Variants in ABCA9 observed in about 807,000 individuals in gnomAD.
ABCA9 encodes ATP binding cassette subfamily A member 9.
ABCA9 carries 183 observed loss-of-function variants against 205.3 expected under a neutral mutation model. The ratio of observed to expected loss-of-function variants is 0.89; its 90% confidence interval spans 0.79 to 1.01. The LOEUF (loss-of-function observed/expected upper bound fraction) is 1.01, where lower values mean the gene tolerates loss of function less well. Among genes scored for constraint, ABCA9 ranks in the 50% least tolerant of loss-of-function variants. The probability of loss-of-function intolerance (pLI) is 0.00; values close to 1 mark genes in which losing one functional copy is unlikely to be tolerated. For missense variants in ABCA9, 1,805 were observed against 1,912.4 expected (o/e 0.94, Z 1.05); for synonymous variants, 651 against 683.3 (o/e 0.95, Z 0.74).
rs569940748 is a variant in ABCA9 at position 68,991,208 on chromosome 17, T to C, written c.3717-251A>G. 9.2e-5 allele frequency among the ~76,000 whole-genome samples: 14 copies of C among 152,304 alleles called. No individual in the cohort carries two copies. In the East Asian group the frequency reaches 2.1e-3, roughly 23 times the overall value. On this transcript the variant is annotated intron_variant, in intron 28 of 38. Coordinates refer to ENST00000340001, the MANE Select transcript of ABCA9 (RefSeq NM_080283.4). ...CTCCCTGTTGATGGTGACAGTTTTC[T>C]TTCAAAGAAGAAAGTGGTATACACC...
At chr17:69,018,132 G>A in intron 20 of ABCA9, 2 of 366,900 alleles carry the variant, frequency 5.5e-6, no homozygotes, top group Non-Finnish European at 9.6e-6. Context: ...TTTACAAAAT[G>A]ATACACAAAG....
chr17:69,074,348 C>T, the ABCA9 span, among the ~76,000 whole-genome samples: 4 of 152,270 alleles, frequency 2.6e-5, no homozygotes, highest in Non-Finnish European at 5.9e-5. Context: ...TACAAATGAT[C>T]TAGTCACCCA....
intron 3 of ABCA9, among the ~76,000 whole-genome samples, chr17:69,046,975 T>A (rs1267976464): frequency 6.7e-6 from 1 of 149,000 alleles, no homozygotes; most frequent in African/African-American, 2.5e-5. Context: ...TTGGTTTGTG[T>A]TTTTGAGATG....
chr17:68,985,178 A>C, intron 32 of ABCA9, 50 bp from the exon 33 acceptor site: 1 of 1,580,050 alleles, frequency 6.3e-7, no homozygotes, highest in Non-Finnish European at 8.6e-7. Flanking sequence ...GCGAATGTAC[A>C]TGGGAGAATG....
intron 21 of ABCA9, among the ~76,000 whole-genome samples, chr17:69,017,447 T>TA (rs1228857699): frequency 2.6e-5 from 4 of 152,256 alleles, no homozygotes; most frequent in African/African-American, 7.2e-5. Context: ...GCATTCAACT[T>TA]AATCAGGAAT....
chr17:69,012,128 T>TGTTTCATCTGTA, intron 22 of ABCA9, 45 bp from the exon 23 acceptor site: 1 of 1,322,380 alleles, frequency 7.6e-7, no homozygotes, highest in Non-Finnish European at 1.1e-6. Context: ...ATTGGGCATC[T>TGTTTCATCTGTA]GTTTCATCTG....
In ABCA9 at chr17:68,989,038, T is replaced by C. The variant is rs376800311; in HGVS notation, c.4036A>G (p.Thr1346Ala). ...TACGTTTTACTGACCTGTCCTGCAG[T>C]TGGTTTTGTGTCTCCAGTTATCATC... ...IKMITGDTKP[T>A]AGQVILKGSG... is the part of the protein sequence containing the mutation. Residue 1346 changes from threonine (T) to alanine (A), a missense_variant, in exon 31 of 39, where the codon ACT becomes GCT. Coordinates refer to ENST00000340001, the MANE Select transcript of ABCA9 (RefSeq NM_080283.4). 6.2e-6 allele frequency: 10 copies of C among 1,608,198 alleles called. No individual in the cohort carries two copies. In the Admixed American group the frequency reaches 1.0e-4, roughly 16 times the overall value.
intron 1 of ABCA9, among the ~76,000 whole-genome samples, chr17:69,057,092 T>A (rs2072091338): frequency 6.6e-6 from 1 of 152,180 alleles, no homozygotes; most frequent in Non-Finnish European, 1.5e-5. Context: ...ATGGCCCGCT[T>A]TTACTGTTGA....
chr17:68,992,824 AAG>A (rs1491258901), intron 27 of ABCA9, 190 bp downstream of exon 27: 16,119 of 324,552 alleles, frequency 0.05, 4 homozygotes, highest in South Asian at 0.076. Context: ...AAAAAAAAAA[AAG>A]GGGGGGGGTC....
chr17:69,056,295 G>A (rs1277862724), intron 1 of ABCA9, among the ~76,000 whole-genome samples: 6 of 151,830 alleles, frequency 4.0e-5, no homozygotes. Flanking sequence ...AAGAGGGAGA[G>A]AACACAAGTT....
intron 2 of ABCA9, 150 bp downstream of exon 2, chr17:69,050,881 A>G: frequency 1.8e-6 from 1 of 566,422 alleles, no homozygotes; most frequent in South Asian, 6.3e-5. Flanking sequence ...CTGAACAAAT[A>G]GCAAAGCCCA....
chr17:68,983,553 T>C (rs760348954), intron 36 of ABCA9, among the ~76,000 whole-genome samples, 156 bp downstream of exon 36: 16 of 152,192 alleles, frequency 1.1e-4, no homozygotes, highest in Non-Finnish European at 1.8e-4. Flanking sequence ...TATTTCCCTC[T>C]TGTGTGAGCC....
At chr17:69,046,680 A>G (rs2071713496) in intron 3 of ABCA9, among the ~76,000 whole-genome samples, 1 of 151,536 alleles carries the variant, frequency 6.6e-6, no homozygotes, top group East Asian at 1.9e-4. Context: ...CATAATAAGA[A>G]CTCATCACAA....
Position 69,043,738 on chromosome 17 carries a change from A to C in ABCA9, c.574-23T>G, listed in dbSNP as rs1189231345. 10 of 1,533,724 alleles carry C rather than the reference A, an allele frequency of 6.5e-6. No homozygotes were observed. In the South Asian group the frequency reaches 1.1e-4, roughly 17 times the overall value. On this transcript the variant is annotated intron_variant, in intron 5 of 38. Transcript: ENST00000340001. ...GATCTGAAGAAAGATATCAATGAACAAATTGTTATCATCAATCTAATTCCA... is the reference window on the plus strand; with the variant it reads ...GATCTGAAGAAAGATATCAATGAACCAATTGTTATCATCAATCTAATTCCA...
chr17:69,044,485 C>T lies in ABCA9; in HGVS notation c.573+12G>A. ...ATGCAATGTGGTTAGATTCCTTTAA[C>T]TTTATACTCACTTCTATGATAGCAG... On this transcript the variant is annotated intron_variant, in intron 5 of 38. Transcript: ENST00000340001. 2.5e-6 allele frequency: 4 copies of T among 1,609,362 alleles called. No individual in the cohort carries two copies. Among genetic ancestry groups the T allele is most frequent in the Non-Finnish European group, 3.4e-6 (4 of 1,176,752 alleles).
At chr17:68,999,649 G>T (rs1167645781) in intron 25 of ABCA9, among the ~76,000 whole-genome samples, 1 of 151,772 alleles carries the variant, frequency 6.6e-6, no homozygotes, top group African/African-American at 2.4e-5. Flanking sequence ...CGCAGTAATG[G>T]GATGGCTGGG....
chr17:68,996,659 T>C (rs1357424354), intron 25 of ABCA9, among the ~76,000 whole-genome samples: 1 of 152,208 alleles, frequency 6.6e-6, no homozygotes. Context: ...CCACACATCA[T>C]TGACACAGGA....
intron 1 of ABCA9, among the ~76,000 whole-genome samples, chr17:69,059,680 T>TC (rs1598423013): frequency 1.3e-5 from 2 of 150,916 alleles, no homozygotes; most frequent in African/African-American, 4.9e-5. Context: ...TTTTTTTTTT[T>TC]TTTACAGCAG....
At chr17:69,057,451 T>C (rs909549729) in intron 1 of ABCA9, among the ~76,000 whole-genome samples, 1 of 152,128 alleles carries the variant, frequency 6.6e-6, no homozygotes. Flanking sequence ...GAGTGGCCTT[T>C]AGGCTTGCAC....
Sources: allele counts gnomAD v4.1 joint callset (sites outside exome capture counted in the v4.1 genomes callset), GRCh38; gene constraint gnomAD v4.1.1; transcripts MANE v1.5; gene names NCBI Gene and HGNC (gene_info 2026-07-23, HGNC 2026-07-21).